The following FAM53B variants were observed in gnomAD, a reference collection of about 807,000 sequenced individuals.
FAM53B encodes family with sequence similarity 53 member B.
A neutral mutation model predicts 32.7 loss-of-function variants in FAM53B; 12 were observed. The observed-to-expected ratio is 0.37, with a 90% CI of 0.24 to 0.59. The LOEUF (loss-of-function observed/expected upper bound fraction) is 0.59. Among genes scored for constraint, FAM53B ranks in the 20% least tolerant of loss-of-function variants. The pLI is 0.72. For synonymous variants in FAM53B, 234 were observed against 228.7 expected, an observed-to-expected ratio of 1.02 and a Z score of -0.21; for missense variants, 477 against 577.7, an observed-to-expected ratio of 0.83 and a Z score of 1.79.
intron 2 of FAM53B, among the ~76,000 whole-genome samples, chr10:124,696,754 C>T (rs1949875261): frequency 6.6e-6 from 1 of 152,138 alleles, no homozygotes; most frequent in Non-Finnish European, 1.5e-5. Flanking sequence ...TGTTTTGTGG[C>T]TACATCGAGT....
intron 4 of FAM53B, among the ~76,000 whole-genome samples, chr10:124,661,109 T>C (rs935853373): frequency 6.7e-6 from 1 of 149,448 alleles, no homozygotes; most frequent in South Asian, 2.1e-4. Context: ...CTGTGGGCTA[T>C]GGTGTGCTGA....
chr10:124,691,591 A>G (rs2134074664), intron 3 of FAM53B, among the ~76,000 whole-genome samples: 1 of 152,274 alleles, frequency 6.6e-6, no homozygotes, highest in South Asian at 2.1e-4. Flanking sequence ...GCTTTCTTAC[A>G]TATGATGTGA....
At position 124,707,445 on chromosome 10, in the gene FAM53B, G is replaced by C. The variant is rs140781445; in HGVS notation, c.-174-558C>G. ...ACAATCAGTAGGGTCCATTTAAAAA[G>C]GCATACATTTGGCCAGGCACGGTGG... is the stretch of plus-strand genomic sequence containing the variant. On this transcript the variant is annotated intron_variant, in intron 1 of 4. Coordinates refer to ENST00000337318, the MANE Select transcript of FAM53B (RefSeq NM_014661.4). Among the ~76,000 whole-genome samples, 579 of 152,260 alleles carry C rather than the reference G, an allele frequency of 3.8e-3. 3 individuals carry two copies. The highest frequency in any genetic ancestry group is 0.013 in the African/African-American group (540 of 41,562).
intron 1 of FAM53B, among the ~76,000 whole-genome samples, chr10:124,741,915 G>C (rs1258861728): frequency 1.3e-5 from 2 of 152,182 alleles, no homozygotes; most frequent in African/African-American, 4.8e-5. Context: ...GTCCTGAGAA[G>C]ACTGGAACAT....
intron 1 of FAM53B, among the ~76,000 whole-genome samples, chr10:124,732,236 CCT>C (rs1235475378): frequency 1.3e-5 from 2 of 152,206 alleles, no homozygotes; most frequent in East Asian, 1.9e-4. Flanking sequence ...AAAATTCAGC[CCT>C]GTCTCCAACA....
chr10:124,680,409 C>T (rs1185666683), intron 4 of FAM53B, among the ~76,000 whole-genome samples: 1 of 152,198 alleles, frequency 6.6e-6, no homozygotes, highest in Non-Finnish European at 1.5e-5. Context: ...AAGACACCTG[C>T]ACCTCTTCTT....
chr10:124,677,829 G>C (rs2134066420), intron 4 of FAM53B, among the ~76,000 whole-genome samples: 1 of 152,332 alleles, frequency 6.6e-6, no homozygotes, highest in South Asian at 2.1e-4. Flanking sequence ...GTGGCCAGCA[G>C]GCCCCCAGGA....
rs1211730487 is a variant in FAM53B at position 124,706,838 on chromosome 10, C to G, written c.-125G>C. ...CAGAAACAGCTCCCCATTGGCCACT[C>G]ACCCTTGGGGTGGGGCCCTTCTGGG... On this transcript the variant is annotated 5_prime_UTR_variant, in exon 2 of 5. Transcript: ENST00000337318. 2.6e-6 allele frequency: 4 copies of G among 1,543,618 alleles called. No individual in the cohort carries two copies. The highest frequency in any genetic ancestry group is 2.6e-6 in the Non-Finnish European group (3 of 1,144,958).
intron 4 of FAM53B, among the ~76,000 whole-genome samples, chr10:124,666,481 G>A (rs1042028029): frequency 2.6e-5 from 4 of 152,196 alleles, no homozygotes; most frequent in Admixed American, 6.5e-5. Flanking sequence ...CGAGTGGCTC[G>A]AGCAGGGGAC....
At chr10:124,661,284 A>T (rs987040075) in intron 4 of FAM53B, among the ~76,000 whole-genome samples, 24 of 152,032 alleles carry the variant, frequency 1.6e-4, no homozygotes, top group African/African-American at 5.6e-4. Flanking sequence ...CCCACACAGA[A>T]CTCAACAGAC....
intron 2 of FAM53B, among the ~76,000 whole-genome samples, chr10:124,699,838 T>C (rs928268212): frequency 3.3e-5 from 5 of 152,224 alleles, no homozygotes; most frequent in Non-Finnish European, 7.3e-5. Context: ...GCCCTCAGCC[T>C]GCCCGTGAGC....
chr10:124,696,097 G>A (rs1949867732), intron 3 of FAM53B, 61 bp downstream of exon 3: 1 of 1,355,404 alleles, frequency 7.4e-7, no homozygotes, highest in South Asian at 1.2e-5. Context: ...TCACCTGGAG[G>A]ACTCAGACCC....
rs769557675 is a variant in FAM53B, at chr10:124,733,417, C to A, written c.-175+10596G>T. On this transcript the variant is annotated intron_variant, in intron 1 of 4. Transcript: ENST00000337318. This position sits in a 1 kb window ranked among gnomAD's most constrained non-coding sequence, Gnocchi z 4.3. ...GAGTGTCTGTGTCAGCAGCTTCCCC[C>A]TGCCTTTGAGAACACTAGTGAGAAC... Among the ~76,000 whole-genome samples, 15 of 152,216 alleles carry A rather than the reference C, an allele frequency of 9.9e-5. No homozygotes were observed. Among genetic ancestry groups the A allele is most frequent in the Non-Finnish European group, 1.3e-4 (9 of 68,040 alleles).
intron 3 of FAM53B, 57 bp downstream of exon 3, chr10:124,696,101 C>A (rs1227176595): frequency 5.5e-6 from 8 of 1,459,994 alleles, no homozygotes; most frequent in African/African-American, 1.4e-5. Context: ...CTGGAGGACT[C>A]AGACCCTGGC....
At chr10:124,647,655 C>A (rs1949526687) in intron 4 of FAM53B, among the ~76,000 whole-genome samples, 2 of 152,178 alleles carry the variant, frequency 1.3e-5, no homozygotes, top group African/African-American at 4.8e-5. Flanking sequence ...CAGCAGAGGG[C>A]AGGGAAGGCC....
At chr10:124,692,586 A>T (rs1949840672) in intron 3 of FAM53B, among the ~76,000 whole-genome samples, 1 of 151,774 alleles carries the variant, frequency 6.6e-6, no homozygotes, top group Non-Finnish European at 1.5e-5. Flanking sequence ...ATGGTGGCAG[A>T]CACCTATAAT....
intron 4 of FAM53B, among the ~76,000 whole-genome samples, chr10:124,639,370 T>G (rs570366849): frequency 1.0e-3 from 152 of 152,320 alleles, no homozygotes; most frequent in African/African-American, 3.4e-3. Flanking sequence ...GCAGTGGGCA[T>G]GCAGCCCGGG....
chr10:124,686,055 G>C (rs1458248552), intron 3 of FAM53B, among the ~76,000 whole-genome samples: 1 of 152,188 alleles, frequency 6.6e-6, no homozygotes, highest in Admixed American at 6.5e-5. Context: ...GAATCATATA[G>C]AGTCAAAACC....
chr10:124,650,152 A>G (rs1000866620), intron 4 of FAM53B, among the ~76,000 whole-genome samples: 11 of 152,250 alleles, frequency 7.2e-5, no homozygotes, highest in African/African-American at 2.7e-4. Flanking sequence ...TAGTAATATA[A>G]TTAAGTATAG....
Sources: gnomAD v4.1 joint callset for allele counts (sites outside exome capture counted in the v4.1 genomes callset) on GRCh38, gnomAD v4.1.1 for gene constraint, Gnocchi (gnomAD v3.1) non-coding constraint, MANE v1.5 for transcripts, NCBI Gene and HGNC (gene_info 2026-07-23, HGNC 2026-07-21) for gene names.